Variants in FAM161A observed in about 807,000 individuals in gnomAD.
FAM161A encodes the protein protein FAM161A.
FAM161A carries 57 observed loss-of-function variants against 70.9 expected under a neutral mutation model. The observed-to-expected ratio is 0.80, with a 90% CI of 0.65 to 1.00. The LOEUF (loss-of-function observed/expected upper bound fraction) is 1.00, where lower values mean the gene tolerates loss of function less well. Among genes scored for constraint, FAM161A ranks in the 50% least tolerant of loss-of-function variants. FAM161A has a pLI of 0.00. For missense variants in FAM161A, 880 were observed against 836.0 expected (o/e 1.05, Z -0.65); for synonymous variants, 299 against 295.7 (o/e 1.01, Z -0.12).
rs748482702 is a variant in FAM161A, at chr2:61,840,163, T to C, written c.841A>G (p.Lys281Glu). Residue 281 changes from lysine to glutamate, a missense_variant, in exon 3 of 7, where the codon AAA becomes GAA. Physicochemically the swap from Lys to Glu is moderately conservative, Grantham distance 56. Transcript: ENST00000404929. ...GCAGGAACTGGATTGGCTCGGAATT[T>C]CTTCTTATACTCTGGATCCTCTTCT... ...KQEEDPEYKK[K>E]FRANPVPASV... is the part of the protein sequence containing the mutation. 1 of 1,614,146 alleles carries C rather than the reference T, an allele frequency of 6.2e-7. No individual in the cohort carries two copies. The highest frequency in any genetic ancestry group is 8.5e-7 in the Non-Finnish European group (1 of 1,180,020).
chr2:61,838,472 C>G, intron 4 of FAM161A, 66 bp downstream of exon 4: 1 of 1,330,586 alleles, frequency 7.5e-7, no homozygotes. Flanking sequence ...ATTTTACTAT[C>G]TACTGATTAA....
chr2:61,831,216 T>C (rs539363599), intron 5 of FAM161A, among the ~76,000 whole-genome samples: 12 of 150,736 alleles, frequency 8.0e-5, no homozygotes, highest in African/African-American at 2.0e-4. Flanking sequence ...CTTCATACTT[T>C]CTTTCTTGTA....
the FAM161A span, among the ~76,000 whole-genome samples, chr2:61,814,649 A>G: frequency 6.6e-6 from 1 of 152,178 alleles, no homozygotes; most frequent in Non-Finnish European, 1.5e-5. Flanking sequence ...TAGGAGGTTG[A>G]GGCTGCAGTG....
the FAM161A span, among the ~76,000 whole-genome samples, chr2:61,818,952 A>C: frequency 4.6e-5 from 7 of 152,336 alleles, no homozygotes; most frequent in East Asian, 1.4e-3. Context: ...TAGTGTCAAT[A>C]ATAATGCAAC....
At chr2:61,820,167 A>G, downstream of FAM161A, 1 of 513,128 alleles carries the variant, frequency 1.9e-6, no homozygotes, top group Non-Finnish European at 3.5e-6. Context: ...CGCCACCAGG[A>G]AGCATCATTA....
chr2:61,827,919 T>C (rs572312029), intron 5 of FAM161A, among the ~76,000 whole-genome samples: 1 of 152,306 alleles, frequency 6.6e-6, no homozygotes, highest in South Asian at 2.1e-4. Flanking sequence ...TACAGTTACA[T>C]GCCACAACAT....
At chr2:61,821,819 G>C (rs1672209349), downstream of FAM161A, among the ~76,000 whole-genome samples, 2 of 151,730 alleles carry the variant, frequency 1.3e-5, no homozygotes, top group African/African-American at 2.4e-5. Context: ...GCCCGGGCTG[G>C]AGTGCAGTGG....
At chr2:61,800,913 C>T in the FAM161A span, among the ~76,000 whole-genome samples, 2 of 152,068 alleles carry the variant, frequency 1.3e-5, no homozygotes, top group African/African-American at 2.4e-5. Flanking sequence ...AAGTGATTCT[C>T]CTGCCTCAGC....
In FAM161A at chr2:61,836,104, C is replaced by T. The variant is rs753454438; in HGVS notation, c.1757G>A (p.Ser586Asn). ...SKSRVKCLRK[S>N]EKERMREYQR... is the part of the protein sequence containing the mutation. ...GTATTCTCTCATCCTTTCCTTTTCG[C>T]TCTTTCTAAAATTAAAGAAAAGCAA... Residue 586 changes from serine (S) to asparagine (N), a missense_variant, in exon 5 of 7, where the codon AGC becomes AAC. Coordinates refer to ENST00000404929, the MANE Select transcript of FAM161A (RefSeq NM_001201543.2). The T allele has an allele frequency of 7.5e-6, 12 of 1,604,976 alleles. No homozygotes were observed. The highest frequency in any genetic ancestry group is 2.7e-5 in the African/African-American group (2 of 74,408).
At chr2:61,817,136 AAGTGCCACGCGGGGAC>A in the FAM161A span, among the ~76,000 whole-genome samples, 1 of 152,226 alleles carries the variant, frequency 6.6e-6, no homozygotes. Context: ...GCAGACGGTC[AAGTGCCACGCGGGGAC>A]AGGGCCCTTC....
At chr2:61,809,238 GCTT>G in the FAM161A span, among the ~76,000 whole-genome samples, 1 of 152,168 alleles carries the variant, frequency 6.6e-6, no homozygotes, top group African/African-American at 2.4e-5. Flanking sequence ...CTTACCTGCT[GCTT>G]CTTCTCAGCC....
chr2:61,838,421 T>C, intron 4 of FAM161A, 117 bp downstream of exon 4: 2 of 872,036 alleles, frequency 2.3e-6, no homozygotes, highest in Non-Finnish European at 3.5e-6. Context: ...ACAATTTAAA[T>C]CCATAAGCTA....
At chr2:61,804,768 G>GAGAAAAAGAAAGAA in the FAM161A span, among the ~76,000 whole-genome samples, 2 of 119,038 alleles carry the variant, frequency 1.7e-5, no homozygotes, top group South Asian at 3.1e-4. Context: ...GAAAAAGAAA[G>GAGAAAAAGAAAGAA]AGAAAGAAAG....
At chr2:61,801,591 AGTTTCGCTCTT>A in the FAM161A span, among the ~76,000 whole-genome samples, 3 of 145,680 alleles carry the variant, frequency 2.1e-5, no homozygotes, top group Non-Finnish European at 4.5e-5. Flanking sequence ...TTTGAGATAG[AGTTTCGCTCTT>A]GTCACCCAGG....
the FAM161A span, among the ~76,000 whole-genome samples, chr2:61,814,521 C>T: frequency 2.0e-5 from 3 of 151,950 alleles, no homozygotes; most frequent in African/African-American, 7.2e-5. Context: ...TTCAGACAAG[C>T]TAGGGCAACG....
At chr2:61,845,601 C>T (rs1338051664) in intron 1 of FAM161A, among the ~76,000 whole-genome samples, 1 of 146,022 alleles carries the variant, frequency 6.8e-6, no homozygotes, top group African/African-American at 2.5e-5. Context: ...AGTGGGAGGA[C>T]TGCTTGAGGC....
the FAM161A span, among the ~76,000 whole-genome samples, chr2:61,804,768 G>GAAAAAGAAAGAA: frequency 2.5e-4 from 30 of 119,038 alleles, 1 homozygote; most frequent in South Asian, 9.4e-3. Context: ...GAAAAAGAAA[G>GAAAAAGAAAGAA]AGAAAGAAAG....
chr2:61,816,883 A>C, the FAM161A span, among the ~76,000 whole-genome samples: 1 of 152,172 alleles, frequency 6.6e-6, no homozygotes, highest in African/African-American at 2.4e-5. Context: ...GCCAGAGAGG[A>C]AGCAGGGAAA....
chr2:61,838,192 T>A (rs775957501), intron 4 of FAM161A, among the ~76,000 whole-genome samples: 7 of 152,206 alleles, frequency 4.6e-5, no homozygotes, highest in Admixed American at 1.3e-4. Flanking sequence ...CATCCAAACC[T>A]TAGAACAAAG....
Sources: gnomAD v4.1 joint callset for allele counts (sites outside exome capture counted in the v4.1 genomes callset) on GRCh38, gnomAD v4.1.1 for gene constraint, MANE v1.5 for transcripts, NCBI Gene and HGNC (gene_info 2026-07-23, HGNC 2026-07-21) for gene names.